CNOT1: variants seen among roughly 807,000 people sequenced by gnomAD.
The protein encoded by CNOT1 is CCR4-associated factor 1.
Under a neutral mutation model 273.8 loss-of-function variants are expected in CNOT1, and 15 were observed. The ratio of observed to expected loss-of-function variants is 0.05; its 90% CI spans 0.04 to 0.08. CNOT1 has a LOEUF of 0.08. CNOT1 is among the 10% of genes least tolerant of loss of function. The pLI is 1.00. For synonymous variants in CNOT1, 1,022 were observed against 1,005.5 expected (o/e 1.02, Z -0.31); for missense variants, 1,644 against 2,912.2 (o/e 0.56, Z 10.02).
At position 58,599,582 on chromosome 16, in the gene CNOT1, G is replaced by A. The variant is rs1357698381; in HGVS notation, c.-174-71C>T. On this transcript the variant is annotated intron_variant, in intron 1 of 48. Transcript: ENST00000317147. ...AAGGAAAAAGGAGGCTGGTCCAGGC[G>A]CAGTGGTGTTTACAACTAATTGATC... The A allele has an allele frequency of 1.5e-5, 8 of 521,386 alleles. No individual in the cohort carries two copies. In the East Asian group the frequency reaches 1.7e-4, roughly 11 times the overall value. 32.3% of individuals were successfully genotyped at this position (521,386 alleles called of 1,614,324 possible).
chr16:58,554,935 C>CAAAAAAAAAAAAAAAAAA (rs56180546), intron 21 of CNOT1, among the ~76,000 whole-genome samples: 11 of 78,898 alleles, frequency 1.4e-4, no homozygotes, highest in South Asian at 5.2e-4. Flanking sequence ...GACTCCATCT[C>CAAAAAAAAAAAAAAAAAA]AAAAAAAAAA....
intron 2 of CNOT1, among the ~76,000 whole-genome samples, chr16:58,593,023 G>A (rs1242864054): frequency 6.6e-6 from 1 of 152,192 alleles, no homozygotes; most frequent in African/African-American, 2.4e-5. Flanking sequence ...GATTGTTGAT[G>A]TGAATAAATA....
At chr16:58,544,785 A>G (rs1030984027) in intron 30 of CNOT1, among the ~76,000 whole-genome samples, 1 of 152,254 alleles carries the variant, frequency 6.6e-6, no homozygotes, top group Non-Finnish European at 1.5e-5. Context: ...AAAGATAACA[A>G]TAAAATGTCC....
intron 2 of CNOT1, 175 bp downstream of exon 2, chr16:58,599,050 CAAAAAAAAAAA>C: frequency 3.2e-6 from 1 of 308,484 alleles, no homozygotes; most frequent in Non-Finnish European, 5.7e-6. Flanking sequence ...GACTCTGTCT[CAAAAAAAAAAA>C]AAAAAAAAAG....
intron 2 of CNOT1, among the ~76,000 whole-genome samples, chr16:58,590,610 A>T (rs1273382023): frequency 6.6e-6 from 1 of 151,708 alleles, no homozygotes; most frequent in Non-Finnish European, 1.5e-5. Context: ...AAAAAAAAAT[A>T]GAACAGAGTC....
At chr16:58,525,041 T>G in intron 46 of CNOT1, 138 bp downstream of exon 46, 1 of 750,162 alleles carries the variant, frequency 1.3e-6, no homozygotes, top group Non-Finnish European at 2.2e-6. Context: ...GATAAAATAA[T>G]CAGCTAGACC....
At chr16:58,587,924 A>G in intron 3 of CNOT1, 46 bp from the exon 4 acceptor site, 1 of 1,540,842 alleles carries the variant, frequency 6.5e-7, no homozygotes. Flanking sequence ...TCATCATCTA[A>G]GAACAAACAG....
chr16:58,582,526 C>T (rs1597505821), intron 10 of CNOT1, among the ~76,000 whole-genome samples: 1 of 152,044 alleles, frequency 6.6e-6, no homozygotes, highest in African/African-American at 2.4e-5. Flanking sequence ...AGTTTGCAAC[C>T]GAAGTAGAAG....
chr16:58,546,231 A>C, intron 29 of CNOT1, 90 bp downstream of exon 29: 1 of 1,143,854 alleles, frequency 8.7e-7, no homozygotes, highest in South Asian at 1.5e-5. Flanking sequence ...ATTATGTGGG[A>C]AATTATAGTT....
At chr16:58,621,243 G>A (rs1365858760) in intron 1 of CNOT1, among the ~76,000 whole-genome samples, 2 of 151,868 alleles carry the variant, frequency 1.3e-5, no homozygotes, top group East Asian at 3.9e-4. Context: ...GATTGCAGGC[G>A]TGAGCCACTG....
chr16:58,616,628 C>T (rs1472652339), intron 1 of CNOT1, among the ~76,000 whole-genome samples: 4 of 152,130 alleles, frequency 2.6e-5, no homozygotes, highest in Non-Finnish European at 4.4e-5. Flanking sequence ...TCTGCCTTCA[C>T]TACCCATCAT....
chr16:58,613,125 A>G (rs1192134339), intron 1 of CNOT1, among the ~76,000 whole-genome samples: 1 of 152,066 alleles, frequency 6.6e-6, no homozygotes, highest in African/African-American at 2.4e-5. Context: ...TCCCCCTCCC[A>G]GGTTCAAGCG....
At chr16:58,521,116 C>G (rs1179276738) in intron 48 of CNOT1, 67 bp downstream of exon 48, 1 of 1,613,098 alleles carries the variant, frequency 6.2e-7, no homozygotes, top group Non-Finnish European at 8.5e-7. Flanking sequence ...GCTGACCCAA[C>G]CTAGAGACAG....
At chr16:58,604,501 G>C (rs1597577604) in intron 1 of CNOT1, among the ~76,000 whole-genome samples, 3 of 151,892 alleles carry the variant, frequency 2.0e-5, no homozygotes, top group Admixed American at 2.0e-4. Context: ...ACTGCAAAAG[G>C]CTGGGCGCGG....
intron 43 of CNOT1, among the ~76,000 whole-genome samples, chr16:58,529,840 CAAAAAAA>C (rs58854069): frequency 2.2e-4 from 15 of 69,394 alleles, no homozygotes; most frequent in African/African-American, 6.6e-4. Context: ...GACTCTGTCT[CAAAAAAA>C]AAAAAAAAAA....
At chr16:58,526,358 G>A (rs2039579258) in intron 44 of CNOT1, among the ~76,000 whole-genome samples, 1 of 151,662 alleles carries the variant, frequency 6.6e-6, no homozygotes, top group African/African-American at 2.4e-5. Flanking sequence ...CCTTCCCAGA[G>A]GCAAGATACC....
Position 58,616,266 on chromosome 16 carries a change from C to T in CNOT1, c.-175+13462G>A, listed in dbSNP as rs147171335. 1.7e-4 allele frequency among the ~76,000 whole-genome samples: 21 copies of T among 123,434 alleles called. 1 individual carries two copies. The highest frequency in any genetic ancestry group is 7.9e-4 in the East Asian group (4 of 5,070). The allele number at this position is 123,434 out of a possible 152,430, so 81.0% of individuals were successfully genotyped here. A position where few individuals can be genotyped will look rare whatever the true frequency, so the allele number is the denominator to read the frequency against. On this transcript the variant is annotated intron_variant, in intron 1 of 48. Transcript: ENST00000317147. ...GATTATAGGCGCCTGCCACCACGCC[C>T]GGCTAATTTTTACATTTTTAGTGGA...
At chr16:58,587,535 GA>G in intron 4 of CNOT1, 122 bp from the exon 5 acceptor site, 2 of 1,365,738 alleles carry the variant, frequency 1.5e-6, no homozygotes, top group Non-Finnish European at 2.0e-6. Context: ...AGTGTTACTA[GA>G]AACATTACAC....
intron 18 of CNOT1, among the ~76,000 whole-genome samples, chr16:58,557,607 G>A (rs1296258800): frequency 1.3e-5 from 2 of 149,106 alleles, no homozygotes; most frequent in African/African-American, 2.5e-5. Context: ...CTAAGAAGAT[G>A]TAGGTACAAA....
Sources: allele counts gnomAD v4.1 joint callset (sites outside exome capture counted in the v4.1 genomes callset), GRCh38; gene constraint gnomAD v4.1.1; transcripts MANE v1.5; gene names NCBI Gene and HGNC (gene_info 2026-07-23, HGNC 2026-07-21).